The following ANK3 variants were observed in gnomAD, a reference collection of about 807,000 sequenced individuals.
ANK3 encodes the protein ankyrin 3.
ANK3 carries 57 observed loss-of-function variants against 370.9 expected under a neutral mutation model. The observed-to-expected ratio is 0.15, with a 90% confidence interval of 0.12 to 0.19. The LOEUF (loss-of-function observed/expected upper bound fraction) is 0.19. Ranked by LOEUF, ANK3 falls within the 10% of genes least tolerant of loss-of-function variation. The pLI is 1.00. For missense variants in ANK3, 4,439 were observed against 5,302.1 expected, an observed-to-expected ratio of 0.84 and a Z score of 5.06; for synonymous variants, 1,929 against 1,946.3, an observed-to-expected ratio of 0.99 and a Z score of 0.23.
intron 2 of ANK3, among the ~76,000 whole-genome samples, chr10:60,409,632 C>T (rs2063520275): frequency 6.6e-6 from 1 of 152,054 alleles, no homozygotes; most frequent in Non-Finnish European, 1.5e-5. Context: ...CATTAGAGGC[C>T]ATCCAGTCTC....
intron 1 of ANK3, among the ~76,000 whole-genome samples, chr10:60,674,936 G>A (rs74155667): frequency 0.053 from 7,996 of 152,110 alleles, 294 homozygotes; most frequent in African/African-American, 0.088. Context: ...GAGAACAAAA[G>A]CATAAACCAT....
At chr10:60,464,230 T>C (rs1390688477) in intron 2 of ANK3, among the ~76,000 whole-genome samples, 1 of 152,234 alleles carries the variant, frequency 6.6e-6, no homozygotes, top group Non-Finnish European at 1.5e-5. Flanking sequence ...AAATGTTAAG[T>C]ATTTATTCAG....
chr10:60,550,443 A>C (rs1301983326), intron 2 of ANK3, among the ~76,000 whole-genome samples: 1 of 151,948 alleles, frequency 6.6e-6, no homozygotes, highest in Non-Finnish European at 1.5e-5. Context: ...ATATATGCTT[A>C]GAGTTTTTAA....
At chr10:60,326,078 G>A (rs1157843594) in intron 1 of ANK3, among the ~76,000 whole-genome samples, 1 of 152,140 alleles carries the variant, frequency 6.6e-6, no homozygotes, top group South Asian at 2.1e-4. Context: ...GCTAAATAAA[G>A]AGAACACATA....
chr10:60,469,280 A>T (rs2065115970), intron 2 of ANK3, among the ~76,000 whole-genome samples: 1 of 3,322 alleles, frequency 3.0e-4, no homozygotes, highest in African/African-American at 9.8e-4. Flanking sequence ...TACCATTTTT[A>T]GTGTGTGTAT....
intron 8 of ANK3, among the ~76,000 whole-genome samples, chr10:60,215,873 A>G (rs569575938): frequency 6.6e-6 from 1 of 152,224 alleles, no homozygotes; most frequent in Admixed American, 6.5e-5. Context: ...CTTTTTTTCT[A>G]ATTCTGTGAA....
rs868130336 is a variant in ANK3, at chr10:60,603,056, A to T, written c.96+12130T>A. Among the ~76,000 whole-genome samples, 2 of 152,188 alleles carry T rather than the reference A, an allele frequency of 1.3e-5. 1 individual carries two copies. The highest frequency in any genetic ancestry group is 4.1e-4 in the South Asian group (2 of 4,828). On this transcript the variant is annotated intron_variant, in intron 2 of 43. Coordinates refer to the ANK3 transcript ENST00000373827. ...ATCTGCTCCACTCGTCTTGAAACAAATGAAGGGCCCTACTCAGCAAATGCT... is the reference window on the plus strand; with the variant it reads ...ATCTGCTCCACTCGTCTTGAAACAATTGAAGGGCCCTACTCAGCAAATGCT...
At chr10:60,201,706 TTC>T (rs561434487) in intron 12 of ANK3, among the ~76,000 whole-genome samples, 4 of 104,382 alleles carry the variant, frequency 3.8e-5, no homozygotes, top group Admixed American at 1.3e-4. Flanking sequence ...TTGAAATCAC[TTC>T]TTTTTTTTTT....
intron 36 of ANK3, among the ~76,000 whole-genome samples, chr10:60,077,643 C>G (rs2084134283): frequency 6.6e-6 from 1 of 152,182 alleles, no homozygotes; most frequent in Non-Finnish European, 1.5e-5. Context: ...TATAGTTTAT[C>G]TCAGATATTT....
intron 2 of ANK3, among the ~76,000 whole-genome samples, chr10:60,424,766 C>T (rs1024398284): frequency 6.6e-6 from 1 of 152,056 alleles, no homozygotes; most frequent in African/African-American, 2.4e-5. Flanking sequence ...TAATATCCCT[C>T]TTATAGGTTG....
chr10:60,234,038 T>G (rs890005997), intron 8 of ANK3, among the ~76,000 whole-genome samples: 1 of 152,236 alleles, frequency 6.6e-6, no homozygotes, highest in African/African-American at 2.4e-5. Flanking sequence ...CTCAGCATAA[T>G]GTCCTCAAGG....
chr10:60,646,410 C>G (rs2078710162), intron 1 of ANK3, among the ~76,000 whole-genome samples: 1 of 152,086 alleles, frequency 6.6e-6, no homozygotes, highest in South Asian at 2.1e-4. Context: ...ATAAGAAAAC[C>G]AGATAAAAGA....
At chr10:60,079,891 G>A (rs574362841) in intron 36 of ANK3, among the ~76,000 whole-genome samples, 2 of 152,198 alleles carry the variant, frequency 1.3e-5, no homozygotes, top group African/African-American at 4.8e-5. Flanking sequence ...ATCTTAATAA[G>A]TGCATGCCAG....
At chr10:60,436,196 T>C (rs2064154847) in intron 2 of ANK3, among the ~76,000 whole-genome samples, 1 of 152,256 alleles carries the variant, frequency 6.6e-6, no homozygotes, top group South Asian at 2.1e-4. Context: ...TATGGATATA[T>C]TATGTTTCTC....
At chr10:60,220,196 A>ATT (rs147711534) in intron 8 of ANK3, among the ~76,000 whole-genome samples, 1 of 151,778 alleles carries the variant, frequency 6.6e-6, no homozygotes, top group African/African-American at 2.4e-5. Flanking sequence ...CAGTACAGTG[A>ATT]TTTTTTTTTA....
At chr10:60,154,250 G>A (rs2095254217) in intron 23 of ANK3, among the ~76,000 whole-genome samples, 1 of 152,200 alleles carries the variant, frequency 6.6e-6, no homozygotes, top group South Asian at 2.1e-4. Flanking sequence ...GTGACTTAAT[G>A]AAACCAAACC....
intron 1 of ANK3, among the ~76,000 whole-genome samples, chr10:60,382,919 G>T (rs984694710): frequency 8.6e-5 from 13 of 150,932 alleles, no homozygotes; most frequent in African/African-American, 3.2e-4. Flanking sequence ...TACAAATCTA[G>T]ATTTTGCAGT....
rs116757606 is a variant in ANK3 at position 60,084,647 on chromosome 10, C to T, written c.4029G>A (p.Glu1343=). The T allele has an allele frequency of 2.1e-4, 334 of 1,613,858 alleles. 1 individual carries two copies. The African/African-American group carries it at 3.9e-3, about 19-fold the overall frequency. Residue 1343 remains glutamate (E), a synonymous_variant, in exon 32 of 44, where the codon GAG becomes GAA. Transcript: ENST00000280772. ...MTDDKVDKTL[E]QQENFEEVAR... The stretch of plus-strand genomic sequence containing the variant: ...CGACTTCCTCAAAATTCTCTTGTTG[C>T]TCTAAAGTTTTGTCCACTTTGTCAT...
At chr10:60,338,205 A>G (rs1256517133) in intron 1 of ANK3, among the ~76,000 whole-genome samples, 1 of 152,194 alleles carries the variant, frequency 6.6e-6, no homozygotes, top group Non-Finnish European at 1.5e-5. Context: ...GTTAACTAGT[A>G]TAAAGATTGG....
Sources: gnomAD v4.1 joint callset for allele counts (sites outside exome capture counted in the v4.1 genomes callset) on GRCh38, gnomAD v4.1.1 for gene constraint, MANE v1.5 for transcripts, NCBI Gene and HGNC (gene_info 2026-07-23, HGNC 2026-07-21) for gene names.